The following PRTFDC1 variants were observed in gnomAD, a reference collection of about 807,000 sequenced individuals.
PRTFDC1 encodes the protein phosphoribosyl transferase domain containing 1.
A neutral mutation model predicts 34.6 loss-of-function variants in PRTFDC1; 38 were observed. That is an observed-to-expected ratio of 1.10 (90% CI 0.85 to 1.44). PRTFDC1 has a LOEUF of 1.44. Among genes scored for constraint, PRTFDC1 ranks in the 40% most tolerant of loss-of-function variants. The pLI, the probability that PRTFDC1 is intolerant of heterozygous loss-of-function variation, is 0.00. For missense variants in PRTFDC1, 270 were observed against 283.0 expected (o/e 0.95, Z 0.33); for synonymous variants, 93 against 98.1 (o/e 0.95, Z 0.31).
chr10:24,904,070 T>G (rs1196493663), intron 3 of PRTFDC1, among the ~76,000 whole-genome samples: 2 of 152,166 alleles, frequency 1.3e-5, no homozygotes, highest in Non-Finnish European at 2.9e-5. Context: ...CCTTGTTCTA[T>G]TCTTTCTAAA....
intron 5 of PRTFDC1, among the ~76,000 whole-genome samples, chr10:24,857,455 G>A (rs535727294): frequency 6.6e-6 from 1 of 152,280 alleles, no homozygotes; most frequent in Non-Finnish European, 1.5e-5. Context: ...GGAAGTGAGA[G>A]GTGTCTGGAC....
At chr10:24,922,915 C>A (rs1247418716) in intron 3 of PRTFDC1, among the ~76,000 whole-genome samples, 1 of 152,176 alleles carries the variant, frequency 6.6e-6, no homozygotes, top group African/African-American at 2.4e-5. Flanking sequence ...ACAGACTGTA[C>A]CTGGAGGAAC....
intron 3 of PRTFDC1, among the ~76,000 whole-genome samples, chr10:24,918,509 TG>T (rs1189163547): frequency 1.3e-5 from 2 of 152,114 alleles, no homozygotes; most frequent in Non-Finnish European, 2.9e-5. Context: ...CTTGAATTCC[TG>T]GGCTCATGGG....
intron 3 of PRTFDC1, among the ~76,000 whole-genome samples, chr10:24,934,991 T>C (rs1849027289): frequency 6.6e-6 from 1 of 152,228 alleles, no homozygotes; most frequent in Non-Finnish European, 1.5e-5. Context: ...TAAGACATTC[T>C]GGAAAGGGCA....
At chr10:24,925,039 C>T (rs1409875574) in intron 3 of PRTFDC1, among the ~76,000 whole-genome samples, 1 of 152,188 alleles carries the variant, frequency 6.6e-6, no homozygotes, top group African/African-American at 2.4e-5. Flanking sequence ...TTGTGGCACT[C>T]TTCACAATAG....
At chr10:24,866,137 G>A (rs1847770589) in intron 4 of PRTFDC1, among the ~76,000 whole-genome samples, 1 of 152,040 alleles carries the variant, frequency 6.6e-6, no homozygotes, top group Non-Finnish European at 1.5e-5. Context: ...GAGGAGGGTG[G>A]ATCACTTGAG....
chr10:24,908,438 G>T, intron 3 of PRTFDC1: 1 of 1,546,268 alleles, frequency 6.5e-7, no homozygotes, highest in South Asian at 1.2e-5. Context: ...GGCACAGCCA[G>T]GGCTTGAAGA....
Position 24,850,655 on chromosome 10 carries a change from G to A in PRTFDC1, c.630+733C>T, listed in dbSNP as rs149844495. Among the ~76,000 whole-genome samples the A allele has an allele frequency of 5.5e-3, 840 of 152,122 alleles. 6 individuals carry two copies. Among genetic ancestry groups the A allele is most frequent in the African/African-American group, 0.019 (789 of 41,496 alleles). ...CTGTGTCTTTAAAGAGGGGGGAGGGGGAATTTATTGGTGGAATACTGGGGT... is the reference window on the plus strand; with the variant it reads ...CTGTGTCTTTAAAGAGGGGGGAGGGAGAATTTATTGGTGGAATACTGGGGT... On this transcript the variant is annotated intron_variant, in intron 8 of 8. Coordinates refer to ENST00000320152, the MANE Select transcript of PRTFDC1 (RefSeq NM_020200.7).
At chr10:24,873,418 T>C (rs2132514082) in intron 3 of PRTFDC1, among the ~76,000 whole-genome samples, 1 of 152,336 alleles carries the variant, frequency 6.6e-6, no homozygotes, top group Non-Finnish European at 1.5e-5. Flanking sequence ...TGCTGTGATG[T>C]TGCAATCCCT....
At chr10:24,862,587 C>G (rs1016802102) in intron 4 of PRTFDC1, among the ~76,000 whole-genome samples, 3 of 152,072 alleles carry the variant, frequency 2.0e-5, no homozygotes, top group Non-Finnish European at 2.9e-5. Context: ...GTTGGCCAGG[C>G]TGGTCTTGAA....
At chr10:24,907,468 C>T (rs370161509) in intron 3 of PRTFDC1, among the ~76,000 whole-genome samples, 5 of 152,022 alleles carry the variant, frequency 3.3e-5, no homozygotes, top group Non-Finnish European at 5.9e-5. Context: ...TGGTGGCGCA[C>T]GCCTGTAGTC....
intron 3 of PRTFDC1, among the ~76,000 whole-genome samples, chr10:24,911,875 CAAAA>C (rs2132569610): frequency 7.3e-6 from 1 of 136,440 alleles, no homozygotes; most frequent in East Asian, 2.0e-4. Context: ...TCAAAAAAAA[CAAAA>C]CAAACAAACA....
chr10:24,916,883 C>T (rs1848704271), intron 3 of PRTFDC1, among the ~76,000 whole-genome samples: 4 of 152,148 alleles, frequency 2.6e-5, no homozygotes, highest in Admixed American at 2.6e-4. Flanking sequence ...CCCTCAATAA[C>T]ATCACCTCTT....
intron 3 of PRTFDC1, among the ~76,000 whole-genome samples, chr10:24,935,967 G>A (rs969227562): frequency 6.6e-6 from 1 of 152,128 alleles, no homozygotes; most frequent in African/African-American, 2.4e-5. Context: ...ATCCCTGTAA[G>A]GTTCTGAGCT....
intron 3 of PRTFDC1, among the ~76,000 whole-genome samples, chr10:24,935,478 G>A (rs1388872303): frequency 1.3e-5 from 2 of 152,172 alleles, no homozygotes; most frequent in African/African-American, 4.8e-5. Context: ...TAAGAAATCA[G>A]AACTAATTTC....
chr10:24,867,499 T>C (rs887956437), intron 4 of PRTFDC1: 2 of 152,230 alleles, frequency 1.3e-5, no homozygotes, highest in Non-Finnish European at 2.9e-5. Context: ...CAAGTTCAGC[T>C]CTTCATTGAG....
At chr10:24,873,303 A>G (rs1239689223) in intron 3 of PRTFDC1, among the ~76,000 whole-genome samples, 1 of 152,186 alleles carries the variant, frequency 6.6e-6, no homozygotes, top group African/African-American at 2.4e-5. Flanking sequence ...CAGAGGCAAA[A>G]CAAGAAACAG....
intron 2 of PRTFDC1, among the ~76,000 whole-genome samples, chr10:24,939,339 G>A (rs1226620311): frequency 6.7e-6 from 1 of 148,746 alleles, no homozygotes; most frequent in Admixed American, 6.7e-5. Flanking sequence ...TCACAGAGTG[G>A]AAGACAAAAA....
At chr10:24,929,704 T>C (rs920934953) in intron 3 of PRTFDC1, among the ~76,000 whole-genome samples, 3 of 152,202 alleles carry the variant, frequency 2.0e-5, no homozygotes, top group Non-Finnish European at 4.4e-5. Flanking sequence ...TATAAATTAA[T>C]GAGCTTTTAA....
Sources: allele counts gnomAD v4.1 joint callset (sites outside exome capture counted in the v4.1 genomes callset), GRCh38; gene constraint gnomAD v4.1.1; transcripts MANE v1.5; gene names NCBI Gene and HGNC (gene_info 2026-07-23, HGNC 2026-07-21).